FMN1: variants seen among roughly 807,000 people sequenced by gnomAD.
FMN1 encodes formin 1, also known as formin-1.
In FMN1, 110 loss-of-function variants were observed where a neutral mutation model predicts 132.4. The ratio of observed to expected loss-of-function variants is 0.83; its 90% CI spans 0.71 to 0.97. The LOEUF is 0.97. Ranked by LOEUF, FMN1 falls within the 50% of genes least tolerant of loss-of-function variation. FMN1 has a pLI of 0.00. For synonymous variants in FMN1, 722 were observed against 651.7 expected (o/e 1.11, Z -1.64); for missense variants, 1,792 against 1,705.3 (o/e 1.05, Z -0.90).
intron 5 of FMN1, among the ~76,000 whole-genome samples, chr15:33,069,967 C>A (rs778666496): frequency 5.7e-5 from 8 of 140,120 alleles, no homozygotes; most frequent in Non-Finnish European, 1.2e-4. Flanking sequence ...GAAATGATCA[C>A]AACAGATCAT....
intron 7 of FMN1, among the ~76,000 whole-genome samples, chr15:33,003,513 A>G (rs79971904): frequency 0.11 from 17,221 of 152,228 alleles, 1,174 homozygotes; most frequent in Middle Eastern, 0.19. Context: ...CTCTTCAAGG[A>G]GAACTACAAA....
chr15:33,089,003 G>T, intron 4 of FMN1, 29 bp from the exon 5 acceptor site: 1 of 1,511,120 alleles, frequency 6.6e-7, no homozygotes, highest in Non-Finnish European at 8.8e-7. Context: ...GGCCATCAGT[G>T]ACATGGCAGC....
chr15:32,986,038 G>A (rs899075288), intron 7 of FMN1, among the ~76,000 whole-genome samples: 4 of 152,008 alleles, frequency 2.6e-5, no homozygotes, highest in African/African-American at 7.2e-5. Context: ...ATGAAAATAC[G>A]CTGAGCAACA....
intron 17 of FMN1, among the ~76,000 whole-genome samples, chr15:32,807,297 G>T (rs987636089): frequency 7.9e-5 from 12 of 152,118 alleles, no homozygotes; most frequent in African/African-American, 2.9e-4. Flanking sequence ...TTAGGCAGAC[G>T]GAAGCCATGG....
chr15:33,071,091 T>C (rs1365325292), intron 5 of FMN1, among the ~76,000 whole-genome samples: 1 of 152,162 alleles, frequency 6.6e-6, no homozygotes, highest in African/African-American at 2.4e-5. Flanking sequence ...ATTGGTGGTC[T>C]TTAACTGGGA....
intron 4 of FMN1, among the ~76,000 whole-genome samples, chr15:33,136,156 T>C (rs1005244074): frequency 2.6e-5 from 4 of 152,240 alleles, no homozygotes; most frequent in South Asian, 2.1e-4. Flanking sequence ...GACATCACAA[T>C]GTGGTACAAA....
In FMN1 at chr15:32,805,002, T is replaced by C. The variant is rs1357281264; in HGVS notation, c.3929-670A>G. Among the ~76,000 whole-genome samples, 3 of 152,228 alleles carry C rather than the reference T, an allele frequency of 2.0e-5. No homozygotes were observed. In the East Asian group the frequency reaches 5.8e-4, roughly 29 times the overall value. On this transcript the variant is annotated intron_variant, in intron 17 of 20. Transcript: ENST00000616417. The stretch of plus-strand genomic sequence containing the variant: ...GCATATATCTTTATAGTAGCATGAT[T>C]TATAATCCTTTGGGTATATATCCAG...
At chr15:32,788,440 C>A (rs978425769) in intron 19 of FMN1, among the ~76,000 whole-genome samples, 3 of 152,214 alleles carry the variant, frequency 2.0e-5, no homozygotes, top group Admixed American at 2.0e-4. Flanking sequence ...CAAGCTCCCC[C>A]TTTTGGTTTT....
chr15:32,872,137 A>C (rs2059530848), intron 16 of FMN1, among the ~76,000 whole-genome samples: 1 of 152,146 alleles, frequency 6.6e-6, no homozygotes, highest in African/African-American at 2.4e-5. Flanking sequence ...ACTTGGGGGA[A>C]GTGTACAGCA....
chr15:33,016,870 C>G (rs1342068239), intron 6 of FMN1, among the ~76,000 whole-genome samples: 1 of 152,206 alleles, frequency 6.6e-6, no homozygotes, highest in African/African-American at 2.4e-5. Flanking sequence ...TAGCCCAGTA[C>G]TGTCTGTTGA....
chr15:33,183,176 A>C (rs1965761932), intron 2 of FMN1, among the ~76,000 whole-genome samples: 1 of 152,210 alleles, frequency 6.6e-6, no homozygotes, highest in African/African-American at 2.4e-5. Context: ...CTTACAATCA[A>C]ACCCTGTTGT....
intron 5 of FMN1, among the ~76,000 whole-genome samples, chr15:33,082,222 A>G (rs1356938806): frequency 1.3e-5 from 2 of 151,236 alleles, no homozygotes; most frequent in African/African-American, 4.9e-5. Context: ...ACAGGCGCCC[A>G]CCGCCACGGT....
chr15:33,114,811 G>A (rs779149379), intron 4 of FMN1, among the ~76,000 whole-genome samples: 1 of 152,126 alleles, frequency 6.6e-6, no homozygotes, highest in Non-Finnish European at 1.5e-5. Flanking sequence ...TCCTACTTTA[G>A]CTGATAAAAT....
chr15:32,866,585 G>A (rs8038990), intron 16 of FMN1, among the ~76,000 whole-genome samples: 117,531 of 152,184 alleles, frequency 0.77, 46,077 homozygotes, highest in African/African-American at 0.89. Flanking sequence ...CCTAATGTTT[G>A]TGTGTTTAAT....
At chr15:32,876,537 A>G (rs1431130646) in intron 16 of FMN1, among the ~76,000 whole-genome samples, 2 of 152,206 alleles carry the variant, frequency 1.3e-5, no homozygotes, top group African/African-American at 4.8e-5. Context: ...AGATGCCAAG[A>G]ATGGGGAAAG....
At chr15:32,843,144 A>G (rs1051945000) in intron 17 of FMN1, among the ~76,000 whole-genome samples, 13 of 151,780 alleles carry the variant, frequency 8.6e-5, no homozygotes, top group African/African-American at 3.1e-4. Context: ...AGAAAAAAAA[A>G]AAAAGAAAGA....
chr15:32,957,323 TTTA>T, intron 9 of FMN1, among the ~76,000 whole-genome samples: 1 of 147,952 alleles, frequency 6.8e-6, no homozygotes. Flanking sequence ...TTTTTTTTTT[TTTA>T]CAGGAACCAG....
At chr15:33,047,748 G>A (rs1216021410) in intron 6 of FMN1, among the ~76,000 whole-genome samples, 1 of 152,082 alleles carries the variant, frequency 6.6e-6, no homozygotes, top group African/African-American at 2.4e-5. Flanking sequence ...TATAAAGATG[G>A]GACCCTTAAT....
At chr15:33,100,222 G>GT (rs1491202433) in intron 4 of FMN1, among the ~76,000 whole-genome samples, 2 of 53,988 alleles carry the variant, frequency 3.7e-5, no homozygotes, top group African/African-American at 1.0e-4. Flanking sequence ...AACTTTCACA[G>GT]TAAAAAAAAA....
Sources: gnomAD v4.1 joint callset for allele counts (sites outside exome capture counted in the v4.1 genomes callset) on GRCh38, gnomAD v4.1.1 for gene constraint, MANE v1.5 for transcripts, NCBI Gene and HGNC (gene_info 2026-07-23, HGNC 2026-07-21) for gene names.